The following SERGEF variants were observed in gnomAD, a reference collection of about 807,000 sequenced individuals.
The protein encoded by SERGEF is secretion-regulating guanine nucleotide exchange factor.
Under a neutral mutation model 50.0 loss-of-function variants are expected in SERGEF, and 51 were observed. The ratio of observed to expected loss-of-function variants is 1.02; its 90% CI spans 0.81 to 1.29. The LOEUF is 1.29. Ranked by LOEUF, SERGEF falls within the 50% of genes most tolerant of loss-of-function variation. The pLI, the probability that SERGEF is intolerant of heterozygous loss-of-function variation, is 0.00. For missense variants in SERGEF, 521 were observed against 557.0 expected (o/e 0.94, Z 0.65); for synonymous variants, 205 against 212.4 (o/e 0.97, Z 0.30).
chr11:17,825,269 T>C (rs1221662978), intron 10 of SERGEF, among the ~76,000 whole-genome samples: 1 of 152,162 alleles, frequency 6.6e-6, no homozygotes, highest in Non-Finnish European at 1.5e-5. Flanking sequence ...TTTGAAAGGG[T>C]ATTCCTATAA....
In SERGEF at chr11:17,991,193, CTT is replaced by C. The variant is rs973790012; in HGVS notation, c.685+1736_685+1737del. ...ACTAAATTGTATACTTTAAATGAAA[CTT>C]AAGTTCTTTGTATACTTTAAAAGAA... On this transcript the variant is annotated intron_variant, in intron 7 of 10. Transcript: ENST00000265965. This position sits in a 1 kb window ranked among gnomAD's most constrained non-coding sequence, Gnocchi z 4.9. Among the ~76,000 whole-genome samples, 164 of 152,164 alleles carry C rather than the reference CTT, an allele frequency of 1.1e-3. No homozygotes were observed. The highest frequency in any genetic ancestry group is 3.8e-3 in the African/African-American group (158 of 41,516).
intron 1 of SERGEF, among the ~76,000 whole-genome samples, chr11:18,011,168 C>CACACACA (rs1291697819): frequency 2.4e-5 from 3 of 122,558 alleles, no homozygotes; most frequent in Non-Finnish European, 3.6e-5. Context: ...ACACACACAC[C>CACACACA]CCTAACAAGG....
At chr11:17,854,620 A>C (rs1236421842) in intron 10 of SERGEF, among the ~76,000 whole-genome samples, 1 of 152,030 alleles carries the variant, frequency 6.6e-6, no homozygotes, top group African/African-American at 2.4e-5. Context: ...TGCCCTGTGG[A>C]TTTCAAGCTT....
intron 8 of SERGEF, among the ~76,000 whole-genome samples, chr11:17,978,773 G>T (rs977148709): frequency 6.6e-6 from 1 of 152,170 alleles, no homozygotes; most frequent in Non-Finnish European, 1.5e-5. Context: ...AACAGGGAAG[G>T]CCTGGGTGAC....
intron 10 of SERGEF, among the ~76,000 whole-genome samples, chr11:17,834,921 G>C (rs1850374577): frequency 6.6e-6 from 1 of 152,174 alleles, no homozygotes; most frequent in African/African-American, 2.4e-5. Flanking sequence ...AGCTCCTTGA[G>C]AGCATAGCCT....
intron 10 of SERGEF, among the ~76,000 whole-genome samples, chr11:17,793,601 G>A (rs1326606827): frequency 5.9e-5 from 9 of 152,196 alleles, no homozygotes; most frequent in South Asian, 4.1e-4. Flanking sequence ...AACATGGAAC[G>A]TCCAGTTTTC....
chr11:17,886,067 C>G (rs569539296), intron 9 of SERGEF, among the ~76,000 whole-genome samples: 1 of 152,106 alleles, frequency 6.6e-6, no homozygotes, highest in East Asian at 1.9e-4. Context: ...TGATGCCCCC[C>G]GCCCCCACTT....
chr11:17,974,233 T>C (rs997781503), intron 8 of SERGEF, among the ~76,000 whole-genome samples: 3 of 152,204 alleles, frequency 2.0e-5, no homozygotes, highest in African/African-American at 4.8e-5. Context: ...CACCCTCTAC[T>C]AGCAGCTCAA....
At chr11:17,811,446 G>C (rs954562320) in intron 10 of SERGEF, among the ~76,000 whole-genome samples, 1 of 152,188 alleles carries the variant, frequency 6.6e-6, no homozygotes, top group Non-Finnish European at 1.5e-5. Flanking sequence ...TTTGACTAAG[G>C]CTCCAAGCTA....
At position 18,008,014 on chromosome 11, in the gene SERGEF, T is replaced by C. The variant is rs201734000; in HGVS notation, c.123A>G (p.Gln41=). The change falls in exon 2 of 11, where the codon CAA becomes CAG. Residue 41 remains glutamine (Q), a synonymous_variant. Transcript: ENST00000265965. ...TCCTGGGTTTACAGAAGTCATTCAG[T>C]TGCTGGGGCAACAGCACATCTTCCT... is the stretch of plus-strand genomic sequence containing the variant. The part of the protein sequence containing the change: ...GHKEDVLLPQ[Q]LNDFCKPRSV... 287 of 1,614,038 alleles carry C rather than the reference T, an allele frequency of 1.8e-4. No individual in the cohort carries two copies. Among genetic ancestry groups the C allele is most frequent in the Non-Finnish European group, 2.1e-4 (253 of 1,179,990 alleles).
chr11:18,006,879 G>T, intron 2 of SERGEF, 133 bp from the exon 3 acceptor site: 1 of 951,504 alleles, frequency 1.1e-6, no homozygotes, highest in Non-Finnish European at 1.6e-6. Flanking sequence ...AATAAGCTGT[G>T]TATGTTCATG....
At chr11:17,792,178 C>A (rs1232570118) in intron 10 of SERGEF, among the ~76,000 whole-genome samples, 1 of 152,230 alleles carries the variant, frequency 6.6e-6, no homozygotes, top group Non-Finnish European at 1.5e-5. Flanking sequence ...CAATCACTGG[C>A]CAAAAGCTTG....
At chr11:17,880,582 A>C (rs1426297348) in intron 9 of SERGEF, among the ~76,000 whole-genome samples, 1 of 152,224 alleles carries the variant, frequency 6.6e-6, no homozygotes, top group African/African-American at 2.4e-5. Context: ...TCAAAATGTT[A>C]ACAATGAGTA....
intron 9 of SERGEF, among the ~76,000 whole-genome samples, chr11:17,948,893 CT>C (rs1311655141): frequency 7.2e-5 from 11 of 152,236 alleles, no homozygotes; most frequent in Non-Finnish European, 1.5e-4. Flanking sequence ...CTCCCTGAGT[CT>C]TGGATGACAC....
At chr11:17,919,962 C>G (rs1308427073) in intron 9 of SERGEF, among the ~76,000 whole-genome samples, 1 of 119,856 alleles carries the variant, frequency 8.3e-6, no homozygotes, top group Non-Finnish European at 1.8e-5. Context: ...AAAAAAAAAA[C>G]CGCAGCCAGG....
Position 17,992,800 on chromosome 11 carries a change from T to C in SERGEF, c.685+131A>G, listed in dbSNP as rs1040983875. On this transcript the variant is annotated intron_variant, in intron 7 of 10. Coordinates refer to ENST00000265965, the MANE Select transcript of SERGEF (RefSeq NM_012139.4). ...AGGAAAAGTAATTTGCCTAAGAGCA[T>C]ACCAGTGGTAGCATCAGAATTCTAG... is the stretch of plus-strand genomic sequence containing the variant. 5 of 771,030 alleles carry C rather than the reference T, an allele frequency of 6.5e-6. No homozygotes were observed. The African/African-American group carries it at 8.7e-5, about 13-fold the overall frequency. The allele number at this position is 771,030 out of a possible 1,614,324, so 47.8% of individuals were successfully genotyped here. A position where few individuals can be genotyped will look rare whatever the true frequency, so the allele number is the denominator to read the frequency against.
At chr11:17,879,867 T>A (rs1442428032) in intron 9 of SERGEF, among the ~76,000 whole-genome samples, 1 of 152,116 alleles carries the variant, frequency 6.6e-6, no homozygotes, top group East Asian at 1.9e-4. Flanking sequence ...ATTAAAAAAA[T>A]AAAATAAAAA....
At chr11:17,999,593 G>A (rs56121743) in intron 5 of SERGEF, 3 of 455,820 alleles carry the variant, frequency 6.6e-6, no homozygotes, top group African/African-American at 6.0e-5. Context: ...AAAGGAGTAA[G>A]AGCAGAAAAA....
chr11:17,910,846 C>T (rs1387148574), intron 9 of SERGEF, among the ~76,000 whole-genome samples: 1 of 151,814 alleles, frequency 6.6e-6, no homozygotes. Context: ...AACAAATACG[C>T]TAATACAAAG....
Sources: allele counts gnomAD v4.1 joint callset (sites outside exome capture counted in the v4.1 genomes callset), GRCh38; gene constraint gnomAD v4.1.1; non-coding constraint Gnocchi (gnomAD v3.1); transcripts MANE v1.5; gene names NCBI Gene and HGNC (gene_info 2026-07-23, HGNC 2026-07-21).